The following DPY19L1 variants were observed in gnomAD, a reference collection of about 807,000 sequenced individuals.
DPY19L1 encodes dpy-19 like C-mannosyltransferase 1.
A neutral mutation model predicts 96.9 loss-of-function variants in DPY19L1; 35 were observed. That is an observed-to-expected ratio of 0.36 (90% CI 0.28 to 0.48). The LOEUF (loss-of-function observed/expected upper bound fraction) is 0.48, where lower values mean the gene tolerates loss of function less well. DPY19L1 is among the 20% of genes least tolerant of loss of function. The pLI is 0.99. For synonymous variants in DPY19L1, 205 were observed against 252.6 expected (o/e 0.81, Z 1.79); for missense variants, 521 against 777.9 (o/e 0.67, Z 3.93).
At chr7:35,002,195 C>CA (rs1301221816) in intron 6 of DPY19L1, among the ~76,000 whole-genome samples, 1 of 149,966 alleles carries the variant, frequency 6.7e-6, no homozygotes, top group African/African-American at 2.4e-5. Flanking sequence ...TAGAAGATGC[C>CA]AAGGTTATTC....
chr7:35,037,839 C>T (rs1206701117), upstream of DPY19L1: 7 of 1,232,044 alleles, frequency 5.7e-6, no homozygotes, highest in African/African-American at 4.7e-5. Flanking sequence ...CCGCGCGGGG[C>T]TCGGCCGGTG....
chr7:35,002,261 A>G (rs1785445829), intron 6 of DPY19L1, among the ~76,000 whole-genome samples: 1 of 152,112 alleles, frequency 6.6e-6, no homozygotes, highest in South Asian at 2.1e-4. Context: ...TGAATCCAAG[A>G]AACAAAAATA....
At chr7:35,005,898 G>A (rs868797119) in intron 6 of DPY19L1, among the ~76,000 whole-genome samples, 3 of 152,132 alleles carry the variant, frequency 2.0e-5, no homozygotes, top group South Asian at 4.1e-4. Context: ...GAAGGAACCA[G>A]GAAAGCAAGC....
intron 3 of DPY19L1, among the ~76,000 whole-genome samples, chr7:35,014,097 C>T (rs1785780610): frequency 6.6e-6 from 1 of 152,098 alleles, no homozygotes. Flanking sequence ...GCCAAAAATA[C>T]TCCTCTAACT....
intron 1 of DPY19L1, among the ~76,000 whole-genome samples, chr7:35,034,910 C>T (rs1786350905): frequency 6.6e-6 from 1 of 152,176 alleles, no homozygotes; most frequent in Admixed American, 6.5e-5. Context: ...ATAATGTCAG[C>T]TCAACTCTCA....
chr7:34,999,568 A>G (rs985457649), intron 6 of DPY19L1, among the ~76,000 whole-genome samples: 1 of 152,162 alleles, frequency 6.6e-6, no homozygotes, highest in African/African-American at 2.4e-5. Context: ...TGGTAAACAA[A>G]ACTCCAAGGG....
intron 6 of DPY19L1, among the ~76,000 whole-genome samples, chr7:34,991,476 C>T (rs1205389878): frequency 1.3e-5 from 2 of 152,122 alleles, no homozygotes; most frequent in South Asian, 2.1e-4. Flanking sequence ...AGGAAGTGGA[C>T]GCCAGGGTTC....
Position 34,955,220 on chromosome 7 carries a change from T to C in DPY19L1, c.1239+88A>G, listed in dbSNP as rs115549566. ...AAACTGTTGGATCCCCTGAGTTGCA[T>C]AGATCATTTTCTTAAAAGTAAAACA... On this transcript the variant is annotated intron_variant, in intron 12 of 21. Coordinates refer to ENST00000638088, the MANE Select transcript of DPY19L1 (RefSeq NM_001366673.1). The C allele has an allele frequency of 1.5e-3, 2,246 of 1,510,380 alleles. 16 individuals are homozygous for C. In the African/African-American group the frequency reaches 0.021, roughly 14 times the overall value. The allele number at this position is 1,510,380 out of a possible 1,614,324, so 93.6% of individuals were successfully genotyped here.
At chr7:34,932,212 G>A (rs955578173) in intron 21 of DPY19L1, among the ~76,000 whole-genome samples, 1 of 152,212 alleles carries the variant, frequency 6.6e-6, no homozygotes, top group Non-Finnish European at 1.5e-5. Context: ...AGTTCACAGG[G>A]AAGCTGCATT....
At chr7:35,014,960 A>G (rs566041971) in intron 3 of DPY19L1, among the ~76,000 whole-genome samples, 5 of 152,304 alleles carry the variant, frequency 3.3e-5, no homozygotes, top group African/African-American at 9.6e-5. Flanking sequence ...ATGGCCAGCA[A>G]CCACCAGAGG....
chr7:34,963,444 C>A (rs1427893503), intron 10 of DPY19L1, among the ~76,000 whole-genome samples: 2 of 152,296 alleles, frequency 1.3e-5, no homozygotes, highest in Non-Finnish European at 2.9e-5. Flanking sequence ...AATAGATTTA[C>A]CATATGATCA....
intron 6 of DPY19L1, 142 bp downstream of exon 6, chr7:35,010,326 T>G (rs945176190): frequency 1.7e-6 from 1 of 572,502 alleles, no homozygotes; most frequent in African/African-American, 1.9e-5. Flanking sequence ...GGTGAAATCA[T>G]GCAAATAATG....
chr7:35,016,228 G>C (rs954486415), intron 3 of DPY19L1, among the ~76,000 whole-genome samples: 4 of 152,138 alleles, frequency 2.6e-5, no homozygotes, highest in African/African-American at 9.7e-5. Context: ...CTGAAAGTAA[G>C]GAAGCCATGG....
rs1041191132 is a variant in DPY19L1 at position 35,037,437 on chromosome 7, G to T, written c.-43C>A. ...CGCTCGCTGCGCGCGCCCGGACGGC[G>T]GCCAGAGAACGGCGGGCTGGCTGGG... On this transcript the variant is annotated 5_prime_UTR_variant, in exon 1 of 22. Coordinates refer to ENST00000638088, the MANE Select transcript of DPY19L1 (RefSeq NM_001366673.1). 3.1e-6 allele frequency: 1 copy of T among 317,782 alleles called. No individual in the cohort carries two copies. The highest frequency in any genetic ancestry group is 4.6e-5 in the East Asian group (1 of 21,814). The allele number at this position is 317,782 out of a possible 1,614,324, so 19.7% of individuals were successfully genotyped here.
intron 1 of DPY19L1, among the ~76,000 whole-genome samples, chr7:35,020,508 C>A (rs188369735): frequency 1.5e-3 from 230 of 152,260 alleles, no homozygotes; most frequent in African/African-American, 5.2e-3. Context: ...TTAACATATG[C>A]ATTTCTTATG....
At chr7:34,984,472 C>T (rs923780579) in intron 7 of DPY19L1, among the ~76,000 whole-genome samples, 3 of 152,154 alleles carry the variant, frequency 2.0e-5, no homozygotes, top group Non-Finnish European at 2.9e-5. Flanking sequence ...TGAAGAGTGA[C>T]GTGAGACAAA....
Position 34,942,509 on chromosome 7 carries a change from T to G in DPY19L1, c.1569+106A>C, listed in dbSNP as rs180957638. The G allele has an allele frequency of 1.2e-5, 10 of 865,950 alleles. No homozygotes were observed. In the East Asian group the frequency reaches 2.5e-4, roughly 22 times the overall value. The allele number at this position is 865,950 out of a possible 1,614,324, so 53.6% of individuals were successfully genotyped here. Reference sequence around the variant, plus strand: ...AACACATAACAGGCTATTTTCAAGATGATTGCTGACAATTGCCAACAAAGT... The same window carrying G: ...AACACATAACAGGCTATTTTCAAGAGGATTGCTGACAATTGCCAACAAAGT... On this transcript the variant is annotated intron_variant, in intron 17 of 21. Coordinates refer to ENST00000638088, the MANE Select transcript of DPY19L1 (RefSeq NM_001366673.1).
chr7:34,986,691 G>A (rs1455020494), intron 7 of DPY19L1, among the ~76,000 whole-genome samples: 1 of 151,910 alleles, frequency 6.6e-6, no homozygotes, highest in African/African-American at 2.4e-5. Flanking sequence ...TCAGTTCAGT[G>A]GAAAAATATT....
At chr7:34,965,234 G>A (rs937827079) in intron 10 of DPY19L1, among the ~76,000 whole-genome samples, 1 of 152,032 alleles carries the variant, frequency 6.6e-6, no homozygotes, top group Non-Finnish European at 1.5e-5. Context: ...GGGGGGAGAG[G>A]AGAGAACCTA....
Sources: gnomAD v4.1 joint callset for allele counts (sites outside exome capture counted in the v4.1 genomes callset) on GRCh38, gnomAD v4.1.1 for gene constraint, MANE v1.5 for transcripts, NCBI Gene and HGNC (gene_info 2026-07-23, HGNC 2026-07-21) for gene names.